The following CLDN14 variants were observed in gnomAD, a reference collection of about 807,000 sequenced individuals.
CLDN14 encodes claudin-14.
A neutral mutation model predicts 2.1 loss-of-function variants in CLDN14; 2 were observed. That is an observed-to-expected ratio of 0.96 (90% CI 0.39 to 3.01). The LOEUF is 3.01. Among genes scored for constraint, CLDN14 ranks in the 30% most tolerant of loss-of-function variants. The probability of loss-of-function intolerance (pLI) is 0.09; values close to 1 mark genes in which losing one functional copy is unlikely to be tolerated. For synonymous variants in CLDN14, 136 were observed against 154.4 expected (o/e 0.88, Z 0.88); for missense variants, 298 against 328.0 (o/e 0.91, Z 0.71).
At chr21:36,503,245 G>T (rs1393614820) in intron 2 of CLDN14, among the ~76,000 whole-genome samples, 2 of 152,104 alleles carry the variant, frequency 1.3e-5, no homozygotes, top group African/African-American at 2.4e-5. Flanking sequence ...GTAGAGACAG[G>T]GTTTCACCAT....
At chr21:36,464,428 C>T (rs1278843072) in intron 1 of CLDN14, among the ~76,000 whole-genome samples, 5 of 152,230 alleles carry the variant, frequency 3.3e-5, no homozygotes, top group Non-Finnish European at 7.3e-5. Flanking sequence ...TATTTGTTCA[C>T]AGCCCAGAAT....
intron 1 of CLDN14, among the ~76,000 whole-genome samples, chr21:36,564,353 A>G (rs1324699210): frequency 6.6e-6 from 1 of 152,262 alleles, no homozygotes; most frequent in East Asian, 1.9e-4. Context: ...AACAAAAGCC[A>G]TCAATTAGGG....
At chr21:36,474,073 A>C (rs1302087860) in intron 1 of CLDN14, among the ~76,000 whole-genome samples, 1 of 152,136 alleles carries the variant, frequency 6.6e-6, no homozygotes, top group African/African-American at 2.4e-5. Flanking sequence ...GAGCCCAGAG[A>C]ATTCTTTCAG....
rs1020780806 is a variant in CLDN14 at position 36,479,782 on chromosome 21, A to G, written c.-369T>C. On this transcript the variant is annotated 5_prime_UTR_variant, in exon 1 of 2. Transcript: ENST00000399135. Reference sequence around the variant, plus strand: ...TGGCCAGAGCAGACATTCAAGACCAACCAGAAATGTCATTTCTGCACTGTG... The same window carrying G: ...TGGCCAGAGCAGACATTCAAGACCAGCCAGAAATGTCATTTCTGCACTGTG... 1 of 152,202 alleles carries G rather than the reference A, an allele frequency of 6.6e-6. No individual in the cohort carries two copies. Among genetic ancestry groups the G allele is most frequent in the Non-Finnish European group, 1.5e-5 (1 of 68,074 alleles). The allele number at this position is 152,202 out of a possible 1,614,324, so 9.4% of individuals were successfully genotyped here.
At chr21:36,467,170 G>T (rs1023325728) in intron 1 of CLDN14, among the ~76,000 whole-genome samples, 2 of 152,164 alleles carry the variant, frequency 1.3e-5, no homozygotes, top group African/African-American at 4.8e-5. Flanking sequence ...AAACTTTTAT[G>T]TTGTCTCCCT....
chr21:36,572,545 C>T (rs1320915270), intron 1 of CLDN14, among the ~76,000 whole-genome samples: 1 of 152,180 alleles, frequency 6.6e-6, no homozygotes, highest in Admixed American at 6.5e-5. Flanking sequence ...TCCCTTAACC[C>T]ATTACATGGT....
upstream of CLDN14, chr21:36,480,597 C>CAGCA (rs1319310611): frequency 6.6e-6 from 1 of 152,180 alleles, no homozygotes; most frequent in East Asian, 1.9e-4. Context: ...AGCCAAAAGC[C>CAGCA]AGCACCCTGA....
intron 2 of CLDN14, among the ~76,000 whole-genome samples, chr21:36,493,825 C>T (rs777588097): frequency 6.6e-6 from 1 of 152,122 alleles, no homozygotes; most frequent in Non-Finnish European, 1.5e-5. Flanking sequence ...GATGAGCACA[C>T]GCTGGGATTC....
In CLDN14 at chr21:36,499,194, G is replaced by A. The variant is rs542647533; in HGVS notation, c.-82+11169C>T. ...TGGGGGCAATGAACCCCGCAACTGC[G>A]GGAAACTGACCTTCAGCACTTTGAT... On this transcript the variant is annotated intron_variant, in intron 2 of 2. Transcript: ENST00000342108. The surrounding 1 kb of genome is among the most constrained non-coding windows in gnomAD (Gnocchi z 4.7). Among the ~76,000 whole-genome samples the A allele has an allele frequency of 5.6e-4, 86 of 152,322 alleles. No individual in the cohort carries two copies. In the South Asian group the frequency reaches 0.012, roughly 21 times the overall value.
At chr21:36,462,530 G>A (rs931412543) in intron 1 of CLDN14, among the ~76,000 whole-genome samples, 3 of 152,104 alleles carry the variant, frequency 2.0e-5, no homozygotes, top group African/African-American at 7.2e-5. Flanking sequence ...CAGGGATATG[G>A]GAATGCTGAG....
At chr21:36,524,209 C>A (rs967901177) in intron 1 of CLDN14, among the ~76,000 whole-genome samples, 3 of 152,046 alleles carry the variant, frequency 2.0e-5, no homozygotes, top group Non-Finnish European at 4.4e-5. Flanking sequence ...GAGCCTTGAC[C>A]TCCCGGGCTC....
chr21:36,539,223 A>C (rs1188029821), intron 1 of CLDN14, among the ~76,000 whole-genome samples: 1 of 152,268 alleles, frequency 6.6e-6, no homozygotes, highest in Non-Finnish European at 1.5e-5. Context: ...TGAACAAATC[A>C]GATAAGATCC....
intron 1 of CLDN14, among the ~76,000 whole-genome samples, chr21:36,542,271 A>G (rs1335843056): frequency 6.6e-6 from 1 of 152,104 alleles, no homozygotes; most frequent in Admixed American, 6.5e-5. Flanking sequence ...CCGGCAATAG[A>G]CTTTCTAAAA....
intron 1 of CLDN14, among the ~76,000 whole-genome samples, chr21:36,466,984 T>C (rs1478652163): frequency 5.3e-5 from 8 of 152,208 alleles, no homozygotes; most frequent in Non-Finnish European, 1.2e-4. Context: ...CTTAGAGTTT[T>C]GGTCGACTTC....
In CLDN14 at chr21:36,501,332, CTTT is replaced by C. The variant is rs58458004; in HGVS notation, c.-82+9028_-82+9030del. On this transcript the variant is annotated intron_variant, in intron 2 of 2. Transcript: ENST00000342108. Reference sequence around the variant, plus strand: ...AATGGGAGTTTCAGTCAATATCTCACTTTTTTTTTTTTTTTTTTTTTTTTTTTT... The same window carrying C: ...AATGGGAGTTTCAGTCAATATCTCACTTTTTTTTTTTTTTTTTTTTTTTTT... Among the ~76,000 whole-genome samples the C allele has an allele frequency of 2.3e-3, 112 of 48,420 alleles. 2 individuals are homozygous for C. The East Asian group carries it at 0.03, about 13-fold the overall frequency. 31.8% of individuals were successfully genotyped at this position (48,420 alleles called of 152,430 possible).
At chr21:36,557,456 T>G (rs1002519831) in intron 1 of CLDN14, among the ~76,000 whole-genome samples, 3 of 152,074 alleles carry the variant, frequency 2.0e-5, no homozygotes, top group Non-Finnish European at 4.4e-5. Flanking sequence ...CCAACTCTTA[T>G]CTTAAAAAAA....
intron 1 of CLDN14, among the ~76,000 whole-genome samples, chr21:36,468,588 T>C (rs968312168): frequency 2.7e-5 from 4 of 149,952 alleles, no homozygotes; most frequent in Non-Finnish European, 5.9e-5. Flanking sequence ...AACAAAATCA[T>C]AAATGCTTGA....
intron 1 of CLDN14, among the ~76,000 whole-genome samples, chr21:36,521,620 G>T (rs2087271558): frequency 6.6e-6 from 1 of 152,200 alleles, no homozygotes; most frequent in Admixed American, 6.5e-5. Context: ...TCCACACATT[G>T]GAGGTCCATC....
chr21:36,500,591 C>T (rs2087084346), intron 2 of CLDN14, among the ~76,000 whole-genome samples: 1 of 152,134 alleles, frequency 6.6e-6, no homozygotes, highest in Admixed American at 6.5e-5. Context: ...GCCACCATGC[C>T]TGGCTAATTT....
Sources: gnomAD v4.1 joint callset for allele counts (sites outside exome capture counted in the v4.1 genomes callset) on GRCh38, gnomAD v4.1.1 for gene constraint, Gnocchi (gnomAD v3.1) non-coding constraint, MANE v1.5 for transcripts, NCBI Gene and HGNC (gene_info 2026-07-23, HGNC 2026-07-21) for gene names.